ACTR3C: variants seen among roughly 807,000 people sequenced by gnomAD.
ACTR3C encodes actin-related protein 3C.
ACTR3C carries 18 observed loss-of-function variants against 26.3 expected under a neutral mutation model. The observed-to-expected ratio is 0.68, with a 90% CI of 0.47 to 1.01. The LOEUF (loss-of-function observed/expected upper bound fraction) is 1.01. Ranked by LOEUF, ACTR3C falls within the 50% of genes least tolerant of loss-of-function variation. The pLI, the probability that ACTR3C is intolerant of heterozygous loss-of-function variation, is 0.00. For missense variants in ACTR3C, 184 were observed against 250.7 expected, an observed-to-expected ratio of 0.73 and a Z score of 1.80; for synonymous variants, 55 against 94.5, an observed-to-expected ratio of 0.58 and a Z score of 2.42.
At chr7:150,221,241 A>C in the ACTR3C span, among the ~76,000 whole-genome samples, 1 of 152,196 alleles carries the variant, frequency 6.6e-6, no homozygotes, top group Non-Finnish European at 1.5e-5. Flanking sequence ...TCCTTTCTGC[A>C]ATAGAAGTCT....
At chr7:149,888,805 C>T in the ACTR3C span, among the ~76,000 whole-genome samples, 1,600 of 152,162 alleles carry the variant, frequency 0.011, 24 homozygotes, top group African/African-American at 0.036. Flanking sequence ...GTCAGGAGTT[C>T]GAGAACAGTC....
chr7:149,961,933 T>G, the ACTR3C span, among the ~76,000 whole-genome samples: 3 of 151,714 alleles, frequency 2.0e-5, no homozygotes. Context: ...ACTGGAAGTA[T>G]ACACAGAGGA....
At chr7:150,077,855 TTTC>T in the ACTR3C span, among the ~76,000 whole-genome samples, 1 of 152,186 alleles carries the variant, frequency 6.6e-6, no homozygotes, top group South Asian at 2.1e-4. Context: ...CCAGGAAAGA[TTTC>T]TTCTTCTGGC....
chr7:149,998,189 C>T, the ACTR3C span, among the ~76,000 whole-genome samples: 3 of 151,130 alleles, frequency 2.0e-5, no homozygotes, highest in Non-Finnish European at 4.4e-5. Flanking sequence ...CCCTGGAGCT[C>T]AATGCTGTAA....
chr7:149,941,597 C>A, the ACTR3C span, among the ~76,000 whole-genome samples: 2 of 152,214 alleles, frequency 1.3e-5, no homozygotes, highest in East Asian at 3.8e-4. Context: ...AAGGCACCTG[C>A]AGGCTCTACC....
chr7:150,319,202 CTT>C, intron 1 of ACTR3C, among the ~76,000 whole-genome samples: 1 of 143,868 alleles, frequency 7.0e-6, no homozygotes, highest in Non-Finnish European at 1.5e-5. Context: ...AAAATTGCTT[CTT>C]CTTTTTTTTT....
the ACTR3C span, among the ~76,000 whole-genome samples, chr7:150,142,559 C>T: frequency 6.8e-3 from 1,030 of 152,282 alleles, 13 homozygotes; most frequent in African/African-American, 0.023. Flanking sequence ...GATGGAGTCT[C>T]ACTCCGTCGC....
At chr7:149,969,359 C>T in the ACTR3C span, among the ~76,000 whole-genome samples, 1 of 150,314 alleles carries the variant, frequency 6.7e-6, no homozygotes, top group Non-Finnish European at 1.5e-5. Flanking sequence ...CCCAACTCCC[C>T]CAGCATGACC....
the ACTR3C span, among the ~76,000 whole-genome samples, chr7:150,075,330 CT>C: frequency 7.6e-6 from 1 of 132,354 alleles, no homozygotes; most frequent in Non-Finnish European, 1.6e-5. Flanking sequence ...CCTCTCAGTA[CT>C]CCCCCTACCC....
the ACTR3C span, among the ~76,000 whole-genome samples, chr7:150,208,711 C>T: frequency 2.9e-4 from 44 of 152,104 alleles, no homozygotes; most frequent in African/African-American, 1.0e-3. Context: ...TAGGAATATT[C>T]GAATATCCAG....
the ACTR3C span, among the ~76,000 whole-genome samples, chr7:150,051,245 G>A: frequency 1.3e-5 from 2 of 152,026 alleles, no homozygotes; most frequent in East Asian, 1.9e-4. Flanking sequence ...ACATATAAAA[G>A]AATAAAGTGG....
the ACTR3C span, among the ~76,000 whole-genome samples, chr7:150,180,720 C>T: frequency 2.0e-5 from 3 of 149,174 alleles, no homozygotes; most frequent in South Asian, 4.2e-4. Context: ...ACGTGTTAGC[C>T]AGGATGGTCT....
the ACTR3C span, among the ~76,000 whole-genome samples, chr7:150,163,210 C>G: frequency 1.3e-5 from 2 of 151,264 alleles, no homozygotes; most frequent in African/African-American, 2.4e-5. Flanking sequence ...AGAGGGTGGA[C>G]AGGGAGGACC....
chr7:150,281,036 G>T (rs908826929), intron 6 of ACTR3C, among the ~76,000 whole-genome samples: 2 of 152,112 alleles, frequency 1.3e-5, no homozygotes, highest in Non-Finnish European at 2.9e-5. Context: ...CACTCTGTTG[G>T]TCTATGTGGC....
chr7:150,078,897 C>T, the ACTR3C span, among the ~76,000 whole-genome samples: 75 of 152,284 alleles, frequency 4.9e-4, no homozygotes, highest in African/African-American at 1.6e-3. Context: ...ATGCACACAG[C>T]ACTTCACATA....
the ACTR3C span, among the ~76,000 whole-genome samples, chr7:150,166,936 A>T: frequency 6.6e-6 from 1 of 150,382 alleles, no homozygotes; most frequent in South Asian, 2.1e-4. Flanking sequence ...ATTTCAACTA[A>T]CATGACAACC....
At chr7:150,124,474 C>T in the ACTR3C span, among the ~76,000 whole-genome samples, 38 of 152,186 alleles carry the variant, frequency 2.5e-4, no homozygotes, top group African/African-American at 9.2e-4. Flanking sequence ...CGCATTTCCA[C>T]ACTGTTGTCT....
the ACTR3C span, among the ~76,000 whole-genome samples, chr7:149,988,720 G>A: frequency 6.6e-6 from 1 of 152,296 alleles, no homozygotes; most frequent in Non-Finnish European, 1.5e-5. Context: ...GAGAGTTAAT[G>A]CATCATCCTT....
chr7:149,996,287 T>C, the ACTR3C span, among the ~76,000 whole-genome samples: 2 of 150,374 alleles, frequency 1.3e-5, no homozygotes, highest in South Asian at 2.1e-4. Context: ...CAACAATAGG[T>C]CTGGGAGACG....
Sources: allele counts gnomAD v4.1 joint callset (sites outside exome capture counted in the v4.1 genomes callset), GRCh38; gene constraint gnomAD v4.1.1; transcripts MANE v1.5; gene names NCBI Gene and HGNC (gene_info 2026-07-23, HGNC 2026-07-21).